Variants in C10orf90 observed in about 807,000 individuals in gnomAD.
C10orf90 encodes chromosome 10 open reading frame 90, also known as (E2-independent) E3 ubiquitin-conjugating enzyme FATS.
In C10orf90, 56 loss-of-function variants were observed where a neutral mutation model predicts 62.5. That is an observed-to-expected ratio of 0.90 (90% confidence interval 0.72 to 1.12). The LOEUF (loss-of-function observed/expected upper bound fraction) is 1.12. Among genes scored for constraint, C10orf90 ranks in the 50% most tolerant of loss-of-function variants. The probability of loss-of-function intolerance (pLI) is 0.00; values close to 1 mark genes in which losing one functional copy is unlikely to be tolerated. For synonymous variants in C10orf90, 386 were observed against 340.4 expected (o/e 1.13, Z -1.47); for missense variants, 970 against 880.4 (o/e 1.10, Z -1.29).
intron 7 of C10orf90, among the ~76,000 whole-genome samples, chr10:126,436,752 C>A (rs1177249976): frequency 6.6e-6 from 1 of 152,150 alleles, no homozygotes; most frequent in Non-Finnish European, 1.5e-5. Flanking sequence ...GCCTCGACCT[C>A]TCAGGCTCAA....
At chr10:126,509,732 C>T (rs114310062) in intron 3 of C10orf90, among the ~76,000 whole-genome samples, 2,763 of 152,222 alleles carry the variant, frequency 0.018, 69 homozygotes, top group African/African-American at 0.062. Flanking sequence ...GAAACACTGG[C>T]GGACTCTTTG....
chr10:126,646,710 A>G, intron 1 of C10orf90, 73 bp from the exon 2 acceptor site: 1 of 322,472 alleles, frequency 3.1e-6, no homozygotes, highest in Admixed American at 4.3e-5. Flanking sequence ...AATAATGTAC[A>G]TTATTTTTTT....
At chr10:126,502,752 C>G in intron 4 of C10orf90, 1 of 506,324 alleles carries the variant, frequency 2.0e-6, no homozygotes, top group South Asian at 1.5e-5. Context: ...AAGTGCTTAG[C>G]TTGAGCAATC....
intron 2 of C10orf90, among the ~76,000 whole-genome samples, chr10:126,636,055 C>T (rs1845944950): frequency 6.6e-6 from 1 of 152,070 alleles, no homozygotes; most frequent in South Asian, 2.1e-4. Flanking sequence ...TCCTCATGTA[C>T]CCAAGGTAGG....
intron 2 of C10orf90, among the ~76,000 whole-genome samples, chr10:126,591,987 C>T (rs991902705): frequency 6.6e-6 from 1 of 152,044 alleles, no homozygotes; most frequent in South Asian, 2.1e-4. Context: ...ATACAACTAA[C>T]AAGGGAAGTA....
intron 1 of C10orf90, among the ~76,000 whole-genome samples, chr10:126,650,821 A>T (rs1846277684): frequency 6.6e-6 from 1 of 152,180 alleles, no homozygotes. Flanking sequence ...AGTGTCCAAG[A>T]ACAAGAAAAC....
chr10:126,569,404 T>C (rs905760877), intron 2 of C10orf90, among the ~76,000 whole-genome samples: 1 of 152,110 alleles, frequency 6.6e-6, no homozygotes, highest in African/African-American at 2.4e-5. Context: ...CCTTATAACC[T>C]GTAAGGTCCA....
At chr10:126,583,065 C>G (rs149821788) in intron 2 of C10orf90, among the ~76,000 whole-genome samples, 1 of 152,182 alleles carries the variant, frequency 6.6e-6, no homozygotes, top group African/African-American at 2.4e-5. Context: ...CCTCTACTCG[C>G]GGGACACCAG....
Position 126,474,263 on chromosome 10 carries a change from G to A in C10orf90, c.1535-9277C>T, listed in dbSNP as rs12572637. On this transcript the variant is annotated intron_variant, in intron 4 of 9. Coordinates refer to ENST00000488181, the MANE Select transcript of C10orf90 (RefSeq NM_001350921.2). ...TCCATCTGCCTCCATGACCACGGGTGCTGAAAGGAGTGGATGGAATGGATC... is the reference window on the plus strand; with the variant it reads ...TCCATCTGCCTCCATGACCACGGGTACTGAAAGGAGTGGATGGAATGGATC... Among the ~76,000 whole-genome samples the A allele has an allele frequency of 3.5e-3, 532 of 152,290 alleles. 6 individuals carry two copies. The East Asian group carries it at 0.048, about 14-fold the overall frequency.
At chr10:126,479,839 C>T (rs1182414601) in intron 4 of C10orf90, among the ~76,000 whole-genome samples, 2 of 152,192 alleles carry the variant, frequency 1.3e-5, no homozygotes, top group East Asian at 1.9e-4. Context: ...AGATTCACTG[C>T]CCAAGACATC....
chr10:126,518,459 G>A (rs955224082), intron 2 of C10orf90, among the ~76,000 whole-genome samples: 4 of 151,914 alleles, frequency 2.6e-5, no homozygotes, highest in African/African-American at 4.8e-5. Context: ...ACCACTCCAC[G>A]ACTTTTAGAA....
In C10orf90 at chr10:126,637,849, G is replaced by A. The variant is rs1030846914; in HGVS notation, c.313+8716C>T. ...GAAGGCATGGAAGGGTCTTAAGCAG[G>A]GGTGGTGTGGTCCGAGCAGGTCATT... On this transcript the variant is annotated intron_variant, in intron 2 of 9. Transcript: ENST00000488181. 3.3e-5 allele frequency among the ~76,000 whole-genome samples: 5 copies of A among 152,214 alleles called. No individual in the cohort carries two copies. In the South Asian group the frequency reaches 1.0e-3, roughly 31 times the overall value.
intron 1 of C10orf90, among the ~76,000 whole-genome samples, chr10:126,666,303 A>G (rs1846625989): frequency 6.6e-6 from 1 of 152,198 alleles, no homozygotes; most frequent in Admixed American, 6.5e-5. Flanking sequence ...AAACAAATCG[A>G]AAAAATAAGC....
At chr10:126,493,770 A>C (rs774054168) in intron 4 of C10orf90, among the ~76,000 whole-genome samples, 18 of 152,258 alleles carry the variant, frequency 1.2e-4, no homozygotes, top group African/African-American at 4.3e-4. Context: ...ATGATGCTAG[A>C]CCTGGAAAGA....
chr10:126,512,128 A>G (rs11245011), intron 3 of C10orf90: 132,552 of 151,886 alleles, frequency 0.87, 57,905 homozygotes, highest in Middle Eastern at 0.94. Context: ...TTCCAAGTTA[A>G]GAGGGAAATT....
chr10:126,543,178 C>T (rs906112510), intron 2 of C10orf90, among the ~76,000 whole-genome samples: 1 of 151,946 alleles, frequency 6.6e-6, no homozygotes, highest in Admixed American at 6.6e-5. Context: ...CATAAAGTGG[C>T]GGTAATAAAA....
intron 2 of C10orf90, among the ~76,000 whole-genome samples, chr10:126,624,875 G>A (rs1275855828): frequency 6.6e-6 from 1 of 152,182 alleles, no homozygotes; most frequent in African/African-American, 2.4e-5. Flanking sequence ...GGCCTACACA[G>A]AACGTGGCAA....
intron 2 of C10orf90, among the ~76,000 whole-genome samples, chr10:126,625,368 G>A (rs1452610895): frequency 6.6e-6 from 1 of 152,186 alleles, no homozygotes; most frequent in Non-Finnish European, 1.5e-5. Context: ...AGGCCCCTCA[G>A]TAAAGAACAC....
chr10:126,494,738 C>T (rs992402668), intron 4 of C10orf90, among the ~76,000 whole-genome samples: 12 of 152,164 alleles, frequency 7.9e-5, no homozygotes, highest in African/African-American at 2.7e-4. Context: ...TATAATGGAC[C>T]AGTTTATATA....
Sources: allele counts gnomAD v4.1 joint callset (sites outside exome capture counted in the v4.1 genomes callset), GRCh38; gene constraint gnomAD v4.1.1; transcripts MANE v1.5; gene names NCBI Gene and HGNC (gene_info 2026-07-23, HGNC 2026-07-21).